Variants in ARRB1 observed in about 807,000 individuals in gnomAD.
ARRB1 encodes arrestin beta 1.
In ARRB1, 21 loss-of-function variants were observed where a neutral mutation model predicts 56.8. That is an observed-to-expected ratio of 0.37 (90% CI 0.26 to 0.53). The LOEUF (loss-of-function observed/expected upper bound fraction) is 0.53, where lower values mean the gene tolerates loss of function less well. ARRB1 is among the 20% of genes least tolerant of loss of function. The probability of loss-of-function intolerance (pLI) is 0.88; values close to 1 mark genes in which losing one functional copy is unlikely to be tolerated. For synonymous variants in ARRB1, 210 were observed against 218.6 expected (o/e 0.96, Z 0.35); for missense variants, 424 against 553.7 (o/e 0.77, Z 2.35).
chr11:75,315,285 G>A (rs896291286), intron 1 of ARRB1, among the ~76,000 whole-genome samples: 5 of 151,942 alleles, frequency 3.3e-5, no homozygotes, highest in South Asian at 2.1e-4. Flanking sequence ...TGACCACCTC[G>A]CTATGGGACA....
intron 1 of ARRB1, among the ~76,000 whole-genome samples, chr11:75,310,412 G>A (rs1947131364): frequency 6.6e-6 from 1 of 152,182 alleles, no homozygotes; most frequent in African/African-American, 2.4e-5. Flanking sequence ...GTCTAGCAGG[G>A]GGGAAAAGGT....
intron 7 of ARRB1, among the ~76,000 whole-genome samples, chr11:75,279,950 T>G (rs1056208695): frequency 1.3e-5 from 2 of 152,212 alleles, no homozygotes; most frequent in African/African-American, 4.8e-5. Flanking sequence ...ATTACAGGTG[T>G]GAGCCACCAC....
intron 1 of ARRB1, among the ~76,000 whole-genome samples, chr11:75,300,529 G>A (rs1333438599): frequency 6.6e-6 from 1 of 152,088 alleles, no homozygotes; most frequent in Non-Finnish European, 1.5e-5. Flanking sequence ...GTTCTGTCTG[G>A]GGAGTCAAAA....
chr11:75,336,644 C>T (rs999552124), intron 1 of ARRB1, among the ~76,000 whole-genome samples: 16 of 152,300 alleles, frequency 1.1e-4, no homozygotes, highest in African/African-American at 3.8e-4. Context: ...ATTGGGATGG[C>T]TGACGACCCT....
chr11:75,297,797 G>A (rs983942006), intron 1 of ARRB1, among the ~76,000 whole-genome samples: 10 of 142,802 alleles, frequency 7.0e-5, no homozygotes, highest in Admixed American at 4.4e-4. Flanking sequence ...CCCAGGAGGC[G>A]GAGGTTGCAG....
At chr11:75,282,723 T>C (rs975992074) in intron 5 of ARRB1, among the ~76,000 whole-genome samples, 2 of 152,198 alleles carry the variant, frequency 1.3e-5, no homozygotes, top group African/African-American at 2.4e-5. Context: ...TCAGCAGCCA[T>C]AGGGAGCTAA....
chr11:75,296,210 G>C (rs1345755517), intron 1 of ARRB1, among the ~76,000 whole-genome samples: 1 of 128,322 alleles, frequency 7.8e-6, no homozygotes, highest in Admixed American at 7.6e-5. Flanking sequence ...AAAAAAAAGA[G>C]TATTATTTAG....
At chr11:75,285,301 T>G (rs960257849) in intron 3 of ARRB1, among the ~76,000 whole-genome samples, 19 of 152,360 alleles carry the variant, frequency 1.2e-4, no homozygotes, top group African/African-American at 4.6e-4. Context: ...GGCGCCTCAG[T>G]GCCCTGAGGC....
intron 1 of ARRB1, among the ~76,000 whole-genome samples, chr11:75,300,828 C>T (rs1591946116): frequency 6.6e-6 from 1 of 150,974 alleles, no homozygotes; most frequent in South Asian, 2.1e-4. Context: ...ATTAGCCGGG[C>T]GTGGTGGCGG....
At chr11:75,299,160 A>G (rs1426976184) in intron 1 of ARRB1, among the ~76,000 whole-genome samples, 7 of 151,832 alleles carry the variant, frequency 4.6e-5, no homozygotes, top group African/African-American at 1.7e-4. Context: ...TGATGGTTAT[A>G]CAAACTTGTG....
chr11:75,294,616 T>A (rs568850833), intron 1 of ARRB1, among the ~76,000 whole-genome samples: 7,559 of 29,124 alleles, frequency 0.26, 721 homozygotes, highest in African/African-American at 0.5. Context: ...TAACTTAAAA[T>A]ATTTTTTTAA....
chr11:75,270,773 G>A (rs1005869519), intron 13 of ARRB1, among the ~76,000 whole-genome samples: 1 of 152,142 alleles, frequency 6.6e-6, no homozygotes, highest in Non-Finnish European at 1.5e-5. Context: ...TCCAGTCTGG[G>A]CAATAGAATC....
At chr11:75,271,653 C>T (rs1946075668) in intron 13 of ARRB1, 48 bp downstream of exon 13, 1 of 1,543,982 alleles carries the variant, frequency 6.5e-7, no homozygotes, top group African/African-American at 1.4e-5. Context: ...CAATGGGCTC[C>T]AGGCCCTCCA....
Position 75,284,221 on chromosome 11 carries a change from G to C in ARRB1, c.157+14C>G, listed in dbSNP as rs749560333. The C allele has an allele frequency of 1.9e-6, 3 of 1,602,316 alleles. No individual in the cohort carries two copies. Among genetic ancestry groups the C allele is most frequent in the Non-Finnish European group, 2.6e-6 (3 of 1,172,738 alleles). ...GCGGCCCTTGACAGGCTGGGGATGG[G>C]GGCCACAGCCTACCTCTCCGCTCTT... On this transcript the variant is annotated intron_variant, in intron 4 of 15. Transcript: ENST00000420843.
intron 1 of ARRB1, among the ~76,000 whole-genome samples, chr11:75,318,802 G>T (rs1473254453): frequency 6.6e-6 from 1 of 152,156 alleles, no homozygotes; most frequent in Non-Finnish European, 1.5e-5. Flanking sequence ...TAAAGGGGAT[G>T]CTGATCCTGT....
At chr11:75,342,329 C>G (rs538879869) in intron 1 of ARRB1, among the ~76,000 whole-genome samples, 11 of 152,294 alleles carry the variant, frequency 7.2e-5, no homozygotes, top group Non-Finnish European at 1.0e-4. Context: ...ACCTCACCCC[C>G]CTTCCCTCTG....
At chr11:75,348,066 T>G (rs1947799322) in intron 1 of ARRB1, among the ~76,000 whole-genome samples, 1 of 152,176 alleles carries the variant, frequency 6.6e-6, no homozygotes, top group Admixed American at 6.5e-5. Flanking sequence ...TGCCTCACAC[T>G]CTTCTCTGAA....
At chr11:75,329,088 CTTTTTTTTTTTTT>C (rs770989128) in intron 1 of ARRB1, among the ~76,000 whole-genome samples, 1 of 103,658 alleles carries the variant, frequency 9.6e-6, no homozygotes, top group African/African-American at 3.7e-5. Flanking sequence ...TGCTGTGTAA[CTTTTTTTTTTTTT>C]TTTTTTTTTT....
chr11:75,311,842 G>A (rs940804573), intron 1 of ARRB1, among the ~76,000 whole-genome samples: 1 of 152,178 alleles, frequency 6.6e-6, no homozygotes, highest in Non-Finnish European at 1.5e-5. Context: ...ACCCCACTTC[G>A]GCCCCTGCTG....
Sources: gnomAD v4.1 joint callset for allele counts (sites outside exome capture counted in the v4.1 genomes callset) on GRCh38, gnomAD v4.1.1 for gene constraint, MANE v1.5 for transcripts, NCBI Gene and HGNC (gene_info 2026-07-23, HGNC 2026-07-21) for gene names.